DNAH12: variants seen among roughly 807,000 people sequenced by gnomAD.
DNAH12 encodes axonemal beta dynein heavy chain 12.
Under a neutral mutation model 371.5 loss-of-function variants are expected in DNAH12, and 285 were observed. The ratio of observed to expected loss-of-function variants is 0.77; its 90% CI spans 0.70 to 0.85. The LOEUF (loss-of-function observed/expected upper bound fraction) is 0.85. Among genes scored for constraint, DNAH12 ranks in the 40% least tolerant of loss-of-function variants. The probability of loss-of-function intolerance (pLI) is 0.00; values close to 1 mark genes in which losing one functional copy is unlikely to be tolerated. For synonymous variants in DNAH12, 1,200 were observed against 1,213.0 expected, an observed-to-expected ratio of 0.99 and a Z score of 0.22; for missense variants, 3,611 against 3,689.4, an observed-to-expected ratio of 0.98 and a Z score of 0.55.
intron 62 of DNAH12, among the ~76,000 whole-genome samples, chr3:57,325,000 C>T (rs987711508): frequency 9.8e-5 from 15 of 152,298 alleles, no homozygotes; most frequent in Middle Eastern, 3.4e-3. Context: ...AACTGCAAGG[C>T]GGCAGCGAGG....
At chr3:57,531,738 G>T (rs1048324622) in intron 2 of DNAH12, among the ~76,000 whole-genome samples, 2 of 142,330 alleles carry the variant, frequency 1.4e-5, no homozygotes, top group Admixed American at 1.4e-4. Flanking sequence ...ACTCTAGCCT[G>T]GGCGACAGAG....
chr3:57,524,822 G>A (rs1414639523), intron 2 of DNAH12, among the ~76,000 whole-genome samples: 3 of 152,074 alleles, frequency 2.0e-5, no homozygotes, highest in Non-Finnish European at 4.4e-5. Flanking sequence ...AGCAGGGGTC[G>A]TTCAATCCAC....
chr3:57,457,692 G>A (rs1006655733), intron 22 of DNAH12, 29 bp downstream of exon 22: 2 of 1,532,448 alleles, frequency 1.3e-6, no homozygotes, highest in Non-Finnish European at 1.8e-6. Context: ...GCAGAATATA[G>A]GGTATATATC....
At chr3:57,520,300 G>A (rs2068371006) in intron 4 of DNAH12, among the ~76,000 whole-genome samples, 1 of 151,814 alleles carries the variant, frequency 6.6e-6, no homozygotes, top group Admixed American at 6.6e-5. Flanking sequence ...TAGTAGCGAC[G>A]GTTTCACCAT....
chr3:57,525,154 C>CAAAA (rs5849213), intron 2 of DNAH12, among the ~76,000 whole-genome samples: 1 of 109,498 alleles, frequency 9.1e-6, no homozygotes, highest in South Asian at 3.0e-4. Flanking sequence ...AGAGGAGAAA[C>CAAAA]AAAAAAAAAA....
chr3:57,359,413 G>C (rs2062870434), intron 58 of DNAH12, among the ~76,000 whole-genome samples: 1 of 151,706 alleles, frequency 6.6e-6, no homozygotes, highest in Non-Finnish European at 1.5e-5. Flanking sequence ...TACAAAATTA[G>C]CCGGACGTGG....
At chr3:57,310,990 T>C (rs1422790124) in intron 66 of DNAH12, 40 bp from the exon 67 acceptor site, 1 of 1,361,272 alleles carries the variant, frequency 7.3e-7, no homozygotes, top group East Asian at 2.5e-5. Context: ...AACCTTAAAG[T>C]ATTTCACTTC....
intron 2 of DNAH12, among the ~76,000 whole-genome samples, chr3:57,540,578 T>C (rs2069236182): frequency 6.6e-6 from 1 of 152,174 alleles, no homozygotes; most frequent in South Asian, 2.1e-4. Context: ...ATACAGTATA[T>C]TTGTGAAACT....
intron 11 of DNAH12, among the ~76,000 whole-genome samples, chr3:57,492,126 C>T (rs2067148659): frequency 6.6e-6 from 1 of 152,156 alleles, no homozygotes; most frequent in Non-Finnish European, 1.5e-5. Flanking sequence ...CACATCACTG[C>T]ACTCCAGCCT....
intron 25 of DNAH12, among the ~76,000 whole-genome samples, chr3:57,448,332 C>T (rs191017083): frequency 1.3e-5 from 2 of 152,124 alleles, no homozygotes; most frequent in African/African-American, 2.4e-5. Context: ...GCTCTTAAGG[C>T]AGCACGTCTG....
chr3:57,304,873 C>A (rs574834555), intron 69 of DNAH12, among the ~76,000 whole-genome samples: 6 of 152,132 alleles, frequency 3.9e-5, no homozygotes, highest in African/African-American at 7.2e-5. Flanking sequence ...GCACCCCCCA[C>A]CCCTTCTCTT....
intron 29 of DNAH12, among the ~76,000 whole-genome samples, chr3:57,444,220 TAATAA>T (rs977050220): frequency 1.9e-4 from 29 of 151,588 alleles, no homozygotes; most frequent in Admixed American, 6.6e-4. Context: ...ATAATTATTA[TAATAA>T]AATAAAATAA....
intron 40 of DNAH12, 74 bp from the exon 41 acceptor site, chr3:57,406,026 T>G (rs2064014689): frequency 7.2e-7 from 1 of 1,392,426 alleles, no homozygotes; most frequent in African/African-American, 1.5e-5. Flanking sequence ...AGTGGAATGT[T>G]ATACAAAATA....
intron 20 of DNAH12, among the ~76,000 whole-genome samples, chr3:57,458,818 G>C (rs1212952016): frequency 6.6e-6 from 1 of 152,148 alleles, no homozygotes; most frequent in Non-Finnish European, 1.5e-5. Context: ...CTGCAAGAAA[G>C]ATCTGTCCTG....
intron 33 of DNAH12, among the ~76,000 whole-genome samples, chr3:57,429,348 G>A (rs1038210585): frequency 6.6e-6 from 1 of 152,010 alleles, no homozygotes; most frequent in Admixed American, 6.6e-5. Flanking sequence ...GGCTAATTGT[G>A]TATTTTTAGT....
intron 29 of DNAH12, among the ~76,000 whole-genome samples, chr3:57,439,304 C>T (rs1275834396): frequency 6.6e-6 from 1 of 152,160 alleles, no homozygotes; most frequent in Non-Finnish European, 1.5e-5. Context: ...CAACTTCAAA[C>T]TATAAGATTA....
chr3:57,299,546 G>A (rs1376402972), intron 70 of DNAH12, among the ~76,000 whole-genome samples: 1 of 151,922 alleles, frequency 6.6e-6, no homozygotes, highest in African/African-American at 2.4e-5. Context: ...AAGATGCTAT[G>A]GACTGAATGT....
chr3:57,418,170 C>T (rs7631502), intron 37 of DNAH12, among the ~76,000 whole-genome samples: 1 of 142,632 alleles, frequency 7.0e-6, no homozygotes, highest in African/African-American at 2.7e-5. Context: ...AATAAATAAA[C>T]AAATAAATAA....
the DNAH12 span, among the ~76,000 whole-genome samples, chr3:57,552,473 A>G: frequency 6.6e-6 from 1 of 152,232 alleles, no homozygotes; most frequent in African/African-American, 2.4e-5. Flanking sequence ...TGCTTATCCC[A>G]TTCACAGTTA....
Sources: gnomAD v4.1 joint callset for allele counts (sites outside exome capture counted in the v4.1 genomes callset) on GRCh38, gnomAD v4.1.1 for gene constraint, MANE v1.5 for transcripts, NCBI Gene and HGNC (gene_info 2026-07-23, HGNC 2026-07-21) for gene names.